VPS13C: variants seen among roughly 807,000 people sequenced by gnomAD.
VPS13C encodes vacuolar protein sorting 13 homolog C, also known as intermembrane lipid transfer protein VPS13C.
VPS13C carries 358 observed loss-of-function variants against 456.8 expected under a neutral mutation model. That is an observed-to-expected ratio of 0.78 (90% CI 0.72 to 0.86). The LOEUF is 0.86. VPS13C is among the 40% of genes least tolerant of loss of function. The probability of loss-of-function intolerance (pLI) is 0.00; values close to 1 mark genes in which losing one functional copy is unlikely to be tolerated. For missense variants in VPS13C, 4,818 were observed against 4,385.4 expected (o/e 1.10, Z -2.79); for synonymous variants, 1,578 against 1,486.7 (o/e 1.06, Z -1.41).
At chr15:61,905,151 G>C (rs1239742718) in intron 66 of VPS13C, among the ~76,000 whole-genome samples, 1 of 152,106 alleles carries the variant, frequency 6.6e-6, no homozygotes, top group Non-Finnish European at 1.5e-5. Flanking sequence ...CCAACATAAA[G>C]AGAAATGTTT....
intron 27 of VPS13C, among the ~76,000 whole-genome samples, chr15:61,971,491 C>CCT (rs1231039081): frequency 6.6e-6 from 1 of 152,120 alleles, no homozygotes; most frequent in East Asian, 1.9e-4. Flanking sequence ...GAACTCCTGA[C>CCT]CTCAGATGAT....
chr15:62,006,590 C>T (rs1171581303), intron 15 of VPS13C, among the ~76,000 whole-genome samples: 1 of 152,244 alleles, frequency 6.6e-6, no homozygotes, highest in African/African-American at 2.4e-5. Flanking sequence ...TTTATAGCAG[C>T]GTGATTTATA....
At position 62,008,681 on chromosome 15, in the gene VPS13C, TA is replaced by T. The variant is rs753516154; in HGVS notation, c.1091del (p.Leu364TyrfsTer23). The T allele has an allele frequency of 6.2e-7, 1 of 1,606,802 alleles. No homozygotes were observed. The highest frequency in any genetic ancestry group is 8.5e-7 in the Non-Finnish European group (1 of 1,176,408). On this transcript the variant is annotated frameshift_variant, in exon 14 of 85. Coordinates refer to ENST00000644861, the MANE Select transcript of VPS13C (RefSeq NM_020821.3). LOFTEE classifies it high-confidence loss of function. Reference sequence around the variant, plus strand: ...ATCGTCGACCATTGGTATGAAGTGGTAAATAAGGCTTGTATTTCCTATAAGG... The same window carrying T: ...ATCGTCGACCATTGGTATGAAGTGGTAATAAGGCTTGTATTTCCTATAAGG... ...NAPYRKYKPY[L>X]PLHTNGRRWW...
At chr15:62,006,123 C>CT (rs1456881906) in intron 15 of VPS13C, among the ~76,000 whole-genome samples, 2 of 149,588 alleles carry the variant, frequency 1.3e-5, no homozygotes, top group African/African-American at 5.0e-5. Context: ...TATTATTATA[C>CT]TTTAAGTTCT....
intron 27 of VPS13C, among the ~76,000 whole-genome samples, chr15:61,970,736 A>G (rs1215395276): frequency 2.6e-5 from 4 of 152,012 alleles, no homozygotes; most frequent in Non-Finnish European, 4.4e-5. Flanking sequence ...AAATTAAGAC[A>G]TTCTTTATCA....
At chr15:61,973,399 G>T in intron 26 of VPS13C, 55 bp downstream of exon 26, 1 of 1,404,978 alleles carries the variant, frequency 7.1e-7, no homozygotes, top group East Asian at 2.3e-5. Context: ...TGTTATCTCT[G>T]TATAACAATG....
intron 6 of VPS13C, among the ~76,000 whole-genome samples, chr15:62,024,547 C>G (rs1272534785): frequency 6.6e-6 from 1 of 152,082 alleles, no homozygotes; most frequent in Non-Finnish European, 1.5e-5. Flanking sequence ...GAGGCAGTCT[C>G]TGTATTATCT....
rs28421152 is a variant in VPS13C, at chr15:62,037,311, A to T, written c.188-2259T>A. ...TATTATATTATATAATATATATATA[A>T]ATATATTATATATTATATACATTTA... On this transcript the variant is annotated intron_variant, in intron 3 of 84. Transcript: ENST00000644861. Among the ~76,000 whole-genome samples the T allele has an allele frequency of 1.3e-3, 83 of 65,274 alleles. 6 individuals are homozygous for T. The highest frequency in any genetic ancestry group is 4.5e-3 in the East Asian group (9 of 2,008). 42.8% of individuals were successfully genotyped at this position (65,274 alleles called of 152,430 possible). A position where few individuals can be genotyped will look rare whatever the true frequency, so the allele number is the denominator to read the frequency against.
At chr15:61,865,800 GTGTA>G (rs989915020) in intron 81 of VPS13C, 15 of 801,524 alleles carry the variant, frequency 1.9e-5, no homozygotes, top group East Asian at 1.3e-4. Flanking sequence ...ATATGTGTGT[GTGTA>G]TATATATATG....
intron 79 of VPS13C, among the ~76,000 whole-genome samples, chr15:61,871,629 C>T (rs1311634330): frequency 6.6e-6 from 1 of 151,962 alleles, no homozygotes; most frequent in Non-Finnish European, 1.5e-5. Context: ...CTTGGCTTGT[C>T]AATTTCTGCA....
At position 61,936,583 on chromosome 15, in the gene VPS13C, T is replaced by C. The variant is rs1243826237; in HGVS notation, c.5755+14A>G. 17 of 1,515,990 alleles carry C rather than the reference T, an allele frequency of 1.1e-5. No individual in the cohort carries two copies. The highest frequency in any genetic ancestry group is 1.4e-5 in the Non-Finnish European group (16 of 1,133,848). The allele number at this position is 1,515,990 out of a possible 1,614,324, so 93.9% of individuals were successfully genotyped here. A position where few individuals can be genotyped will look rare whatever the true frequency, so the allele number is the denominator to read the frequency against. ...CAATTTTTTCTCCATAAAGTAAATA[T>C]CATCAATTTATACCTTTGAGATGGT... On this transcript the variant is annotated intron_variant, in intron 48 of 84. Coordinates refer to ENST00000644861, the MANE Select transcript of VPS13C (RefSeq NM_020821.3).
intron 66 of VPS13C, among the ~76,000 whole-genome samples, chr15:61,899,919 C>A (rs2042945343): frequency 6.6e-6 from 1 of 152,012 alleles, no homozygotes; most frequent in African/African-American, 2.4e-5. Flanking sequence ...CCACCATGAT[C>A]AAGTGGGCTT....
At chr15:62,012,721 T>A (rs2047089887) in intron 11 of VPS13C, among the ~76,000 whole-genome samples, 1 of 151,782 alleles carries the variant, frequency 6.6e-6, no homozygotes, top group Non-Finnish European at 1.5e-5. Context: ...ATACTCTTAA[T>A]CATTCTGATA....
chr15:62,047,675 GCATT>G (rs1043524518), intron 1 of VPS13C, among the ~76,000 whole-genome samples: 2 of 152,156 alleles, frequency 1.3e-5, no homozygotes, highest in Non-Finnish European at 2.9e-5. Context: ...AGGTAAAAGT[GCATT>G]CATTCATTCA....
intron 68 of VPS13C, 38 bp from the exon 69 acceptor site, chr15:61,882,774 T>C (rs1895963520): frequency 1.3e-6 from 2 of 1,531,798 alleles, no homozygotes; most frequent in Non-Finnish European, 1.7e-6. Context: ...TGAGCTGATA[T>C]TAGCACAGTA....
intron 35 of VPS13C, among the ~76,000 whole-genome samples, chr15:61,960,201 G>A (rs956781993): frequency 2.6e-5 from 4 of 152,114 alleles, no homozygotes; most frequent in Non-Finnish European, 4.4e-5. Flanking sequence ...CAAACCATGA[G>A]GAATCACTCA....
chr15:61,999,396 G>A (rs1191616520), intron 16 of VPS13C, among the ~76,000 whole-genome samples: 6 of 147,876 alleles, frequency 4.1e-5, no homozygotes, highest in African/African-American at 1.5e-4. Flanking sequence ...AAAAAAAAGA[G>A]AGAGAGAGAG....
At chr15:62,012,704 C>A (rs1472892617) in intron 11 of VPS13C, among the ~76,000 whole-genome samples, 1 of 151,752 alleles carries the variant, frequency 6.6e-6, no homozygotes, top group Non-Finnish European at 1.5e-5. Flanking sequence ...GAAATATTAT[C>A]TTTATAATAC....
chr15:61,888,551 G>T (rs1896438479), intron 67 of VPS13C, among the ~76,000 whole-genome samples: 2 of 152,074 alleles, frequency 1.3e-5, no homozygotes, highest in African/African-American at 4.8e-5. Context: ...GCCATGAAAA[G>T]AAACAAAGGA....
Sources: allele counts gnomAD v4.1 joint callset (sites outside exome capture counted in the v4.1 genomes callset), GRCh38; gene constraint gnomAD v4.1.1; transcripts MANE v1.5; gene names NCBI Gene and HGNC (gene_info 2026-07-23, HGNC 2026-07-21).